Variants in PDZRN4 observed in about 807,000 individuals in gnomAD.
PDZRN4 encodes the protein PDZ domain containing ring finger 4, also known as PDZ domain-containing RING finger protein 4.
Under a neutral mutation model 99.0 loss-of-function variants are expected in PDZRN4, and 70 were observed. That is an observed-to-expected ratio of 0.71 (90% CI 0.58 to 0.86). PDZRN4 has a LOEUF of 0.86. Ranked by LOEUF, PDZRN4 falls within the 40% of genes least tolerant of loss-of-function variation. The pLI, the probability that PDZRN4 is intolerant of heterozygous loss-of-function variation, is 0.00. For synonymous variants in PDZRN4, 551 were observed against 501.6 expected (o/e 1.10, Z -1.32); for missense variants, 1,474 against 1,331.2 (o/e 1.11, Z -1.67).
At chr12:41,201,642 C>A (rs1230317220) in intron 3 of PDZRN4, among the ~76,000 whole-genome samples, 1 of 152,002 alleles carries the variant, frequency 6.6e-6, no homozygotes, top group Non-Finnish European at 1.5e-5. Context: ...TGGTATGGAT[C>A]CAAGAGTTTT....
At chr12:41,494,045 A>T (rs1364315314) in intron 3 of PDZRN4, among the ~76,000 whole-genome samples, 18 of 150,580 alleles carry the variant, frequency 1.2e-4, no homozygotes, top group Admixed American at 2.0e-4. Flanking sequence ...TCACAGAAAC[A>T]TTTTTATTTT....
At chr12:41,210,866 A>G (rs1013446724) in intron 3 of PDZRN4, among the ~76,000 whole-genome samples, 3 of 96,416 alleles carry the variant, frequency 3.1e-5, no homozygotes, top group Admixed American at 2.4e-4. Context: ...AGTTTAGAAC[A>G]TTTTACCAAA....
intron 3 of PDZRN4, among the ~76,000 whole-genome samples, chr12:41,492,031 A>G (rs570759457): frequency 6.6e-6 from 1 of 152,316 alleles, no homozygotes; most frequent in South Asian, 2.1e-4. Context: ...AATTTATGCT[A>G]TGAATTGATT....
chr12:41,340,189 C>G (rs932694321), intron 3 of PDZRN4, among the ~76,000 whole-genome samples: 1 of 151,996 alleles, frequency 6.6e-6, no homozygotes, highest in Non-Finnish European at 1.5e-5. Context: ...TGTCCATCAA[C>G]AGATGAATGG....
chr12:41,213,502 G>A (rs566687728), intron 3 of PDZRN4, among the ~76,000 whole-genome samples: 5 of 152,142 alleles, frequency 3.3e-5, no homozygotes, highest in African/African-American at 1.2e-4. Context: ...CAGTTCACTT[G>A]TACAGCCATT....
chr12:41,379,729 G>A (rs1181156359), intron 3 of PDZRN4, among the ~76,000 whole-genome samples: 1 of 149,754 alleles, frequency 6.7e-6, no homozygotes, highest in African/African-American at 2.5e-5. Flanking sequence ...TTTTTTTTTA[G>A]TCTTCTTGCA....
intron 5 of PDZRN4, among the ~76,000 whole-genome samples, chr12:41,526,170 G>A (rs1938564861): frequency 6.6e-6 from 1 of 152,166 alleles, no homozygotes; most frequent in Admixed American, 6.5e-5. Flanking sequence ...CTGGACTAAA[G>A]CTAGTTTCCT....
intron 3 of PDZRN4, among the ~76,000 whole-genome samples, chr12:41,295,523 AC>A (rs1399450388): frequency 1.3e-5 from 2 of 152,184 alleles, no homozygotes; most frequent in Admixed American, 6.5e-5. Flanking sequence ...TCCCTATATC[AC>A]CCCCTCACCA....
At chr12:41,362,872 T>C (rs1476582029) in intron 3 of PDZRN4, among the ~76,000 whole-genome samples, 2 of 152,146 alleles carry the variant, frequency 1.3e-5, no homozygotes, top group Admixed American at 6.6e-5. Flanking sequence ...ACAAAGGATG[T>C]TCCAAAACTC....
intron 3 of PDZRN4, among the ~76,000 whole-genome samples, chr12:41,466,099 G>A (rs1952922137): frequency 6.6e-6 from 1 of 152,036 alleles, no homozygotes; most frequent in Admixed American, 6.6e-5. Context: ...TCTTTAATAA[G>A]CCATATTAAA....
rs1191721883 is a variant in PDZRN4, at chr12:41,573,823, C to G, written c.3044C>G (p.Thr1015Ser). 2 of 1,609,508 alleles carry G rather than the reference C, an allele frequency of 1.2e-6. No homozygotes were observed. The highest frequency in any genetic ancestry group is 2.7e-5 in the African/African-American group (2 of 74,594). The change falls in exon 10 of 10, where the codon ACC (threonine) becomes AGC (serine). Residue 1015 changes from threonine (T) to serine (S), a missense_variant. Thr to Ser is a moderately conservative substitution (Grantham distance 58). Transcript: ENST00000402685. The stretch of plus-strand genomic sequence containing the variant: ...TGGATGACAATCCAAGAACTGATGA[C>G]CCATGGGGCCAAGTCTCCAGATGGC... ...DNWMTIQELMTHGAKSPDGTR... is the reference protein window; with the variant it reads ...DNWMTIQELMSHGAKSPDGTR...
intron 3 of PDZRN4, among the ~76,000 whole-genome samples, chr12:41,474,114 G>A (rs563718830): frequency 3.3e-5 from 5 of 152,308 alleles, no homozygotes; most frequent in South Asian, 4.1e-4. Context: ...TGCAGTGGGG[G>A]ATAAATGAGA....
At chr12:41,569,996 A>G (rs1416594976) in intron 9 of PDZRN4, among the ~76,000 whole-genome samples, 2 of 152,038 alleles carry the variant, frequency 1.3e-5, no homozygotes, top group Non-Finnish European at 2.9e-5. Context: ...TTTTTCTTAG[A>G]TACAAAATGT....
At chr12:41,255,690 G>T (rs958095959) in intron 3 of PDZRN4, among the ~76,000 whole-genome samples, 5 of 152,094 alleles carry the variant, frequency 3.3e-5, no homozygotes, top group African/African-American at 1.2e-4. Flanking sequence ...GGTTTAATTG[G>T]CTCATGGTTT....
intron 3 of PDZRN4, among the ~76,000 whole-genome samples, chr12:41,218,191 C>A (rs1950933523): frequency 6.6e-6 from 1 of 152,118 alleles, no homozygotes; most frequent in South Asian, 2.1e-4. Flanking sequence ...GTAAAAGCCT[C>A]TTTTCCTTTT....
chr12:41,397,932 T>G (rs1468854203), intron 3 of PDZRN4, among the ~76,000 whole-genome samples: 2 of 152,018 alleles, frequency 1.3e-5, no homozygotes, highest in Non-Finnish European at 2.9e-5. Flanking sequence ...GGTAACATGG[T>G]TTAAAAAAAA....
At chr12:41,456,093 C>A (rs1227734227) in intron 3 of PDZRN4, among the ~76,000 whole-genome samples, 1 of 152,208 alleles carries the variant, frequency 6.6e-6, no homozygotes, top group Non-Finnish European at 1.5e-5. Flanking sequence ...TGATCTCTCT[C>A]TTTGCTTCCA....
intron 5 of PDZRN4, among the ~76,000 whole-genome samples, chr12:41,525,839 T>C (rs1014689582): frequency 2.6e-5 from 4 of 151,958 alleles, no homozygotes; most frequent in African/African-American, 9.7e-5. Flanking sequence ...CAAGTGTCCT[T>C]CATCAAAAAA....
intron 3 of PDZRN4, among the ~76,000 whole-genome samples, chr12:41,345,667 A>C (rs1374959513): frequency 6.6e-6 from 1 of 152,174 alleles, no homozygotes; most frequent in Admixed American, 6.6e-5. Flanking sequence ...GATGAGTTGC[A>C]AAATAATTTG....
Sources: allele counts gnomAD v4.1 joint callset (sites outside exome capture counted in the v4.1 genomes callset), GRCh38; gene constraint gnomAD v4.1.1; transcripts MANE v1.5; gene names NCBI Gene and HGNC (gene_info 2026-07-23, HGNC 2026-07-21).